Variants in WDFY4 observed in about 807,000 individuals in gnomAD.
WDFY4 encodes WDFY family member 4.
WDFY4 carries 169 observed loss-of-function variants against 351.9 expected under a neutral mutation model. That is an observed-to-expected ratio of 0.48 (90% CI 0.42 to 0.55). The LOEUF (loss-of-function observed/expected upper bound fraction) is 0.55, where lower values mean the gene tolerates loss of function less well. Ranked by LOEUF, WDFY4 falls within the 20% of genes least tolerant of loss-of-function variation. The probability of loss-of-function intolerance (pLI) is 0.00; values close to 1 mark genes in which losing one functional copy is unlikely to be tolerated. For synonymous variants in WDFY4, 1,622 were observed against 1,574.6 expected, an observed-to-expected ratio of 1.03 and a Z score of -0.71; for missense variants, 3,803 against 3,935.6, an observed-to-expected ratio of 0.97 and a Z score of 0.90.
intron 30 of WDFY4, among the ~76,000 whole-genome samples, chr10:48,813,172 T>C (rs2067516086): frequency 6.6e-6 from 1 of 152,216 alleles, no homozygotes. Context: ...CGAGTTGAGT[T>C]AAACCTAACT....
intron 48 of WDFY4, 36 bp from the exon 49 acceptor site, chr10:48,943,294 G>T: frequency 1.3e-6 from 2 of 1,549,378 alleles, no homozygotes; most frequent in African/African-American, 1.4e-5. Context: ...AGCATCAAAC[G>T]TATTTGGTTT....
chr10:48,929,490 G>A (rs1180944755), intron 47 of WDFY4, among the ~76,000 whole-genome samples: 1 of 152,166 alleles, frequency 6.6e-6, no homozygotes, highest in African/African-American at 2.4e-5. Context: ...TGGGTTAGAG[G>A]CTGCCTCTGC....
rs1162235709 is a variant in WDFY4 at position 48,820,531 on chromosome 10, C to A, written c.5709+94C>A. ...AGGATGCACCCAGGGAGACAGAGGG[C>A]CTGGGGGCCACAGCGAGTGAAGGGG... On this transcript the variant is annotated intron_variant, in intron 33 of 61. Transcript: ENST00000325239. 3.0e-6 allele frequency: 4 copies of A among 1,346,212 alleles called. No individual in the cohort carries two copies. The African/African-American group carries it at 4.4e-5, about 15-fold the overall frequency. The allele number at this position is 1,346,212 out of a possible 1,614,324, so 83.4% of individuals were successfully genotyped here.
At chr10:48,862,873 A>G (rs2069392943) in intron 39 of WDFY4, among the ~76,000 whole-genome samples, 1 of 152,338 alleles carries the variant, frequency 6.6e-6, no homozygotes, top group South Asian at 2.1e-4. Context: ...TCACTCTTCT[A>G]TCCCCCATCC....
chr10:48,774,626 A>G lies in WDFY4; in HGVS notation c.2722A>G (p.Ile908Val), dbSNP rs781016079. ...CCCCCTCCACTCACGCCTCATCAGG[A>G]TCTTTGAGAAGCTCGCTTCCCAGGC... ...GSPLHSRLIR[I>V]FEKLASQAIE... The change falls in exon 14 of 62, where the codon ATC (isoleucine) becomes GTC (valine). Residue 908 changes from isoleucine (I) to valine (V), a missense_variant. Coordinates refer to ENST00000325239, the MANE Select transcript of WDFY4 (RefSeq NM_001394531.1). 3.4e-5 allele frequency: 53 copies of G among 1,551,620 alleles called. No individual in the cohort carries two copies. The South Asian group carries it at 5.9e-4, about 17-fold the overall frequency.
chr10:48,703,040 A>G (rs1004773725), intron 1 of WDFY4, among the ~76,000 whole-genome samples: 1 of 152,224 alleles, frequency 6.6e-6, no homozygotes, highest in African/African-American at 2.4e-5. Context: ...TTCATAGTAC[A>G]TCACCTCTGT....
Position 48,969,101 on chromosome 10 carries a change from A to C in WDFY4, c.8622A>C (p.Lys2874Asn), listed in dbSNP as rs1842220791. The C allele has an allele frequency of 6.4e-7, 1 of 1,551,652 alleles. No individual in the cohort carries two copies. The highest frequency in any genetic ancestry group is 8.7e-7 in the Non-Finnish European group (1 of 1,146,972). ...YLFSLGSESP[K>N]GAIGHIVSTE... The stretch of plus-strand genomic sequence containing the variant: ...TTTCTCTAGGCTCAGAGTCCCCCAA[A>C]GGGGCCATTGGCCACATTGTCTCTA... The change falls in exon 56 of 62, where the codon AAA (lysine) becomes AAC (asparagine). Residue 2874 changes from lysine (K) to asparagine (N), a missense_variant. Around this residue, in one of 3 missense-constraint regions of WDFY4, gnomAD observed 3,054 missense variants for 3,148.6 expected, o/e 0.97. Coordinates refer to ENST00000325239, the MANE Select transcript of WDFY4 (RefSeq NM_001394531.1).
At chr10:48,723,746 C>A (rs2064169884) in intron 5 of WDFY4, among the ~76,000 whole-genome samples, 179 bp downstream of exon 5, 1 of 152,134 alleles carries the variant, frequency 6.6e-6, no homozygotes, top group Non-Finnish European at 1.5e-5. Context: ...GCCCCACTAG[C>A]AAAATAGTAG....
rs531652783 is a variant in WDFY4, at chr10:48,860,343, A to C, written c.6664-6922A>C. Among the ~76,000 whole-genome samples the C allele has an allele frequency of 3.9e-5, 6 of 152,332 alleles. No individual in the cohort carries two copies. The East Asian group carries it at 5.8e-4, about 15-fold the overall frequency. ...GCTGGCTTATTTCTGACAGTTCTAC[A>C]GGCTGGGAAGTCCGAGAGCTAGGTG... is the stretch of plus-strand genomic sequence containing the variant. On this transcript the variant is annotated intron_variant, in intron 39 of 61. Transcript: ENST00000325239.
At chr10:48,793,696 T>C (rs2066757875) in intron 23 of WDFY4, among the ~76,000 whole-genome samples, 1 of 152,222 alleles carries the variant, frequency 6.6e-6, no homozygotes, top group Non-Finnish European at 1.5e-5. Context: ...TGTTTATTGC[T>C]GTACCCTAAG....
intron 31 of WDFY4, among the ~76,000 whole-genome samples, chr10:48,815,200 T>A (rs184311727): frequency 5.3e-5 from 8 of 152,356 alleles, no homozygotes; most frequent in Admixed American, 5.2e-4. Flanking sequence ...ACTCCTTATC[T>A]TGTTCAGAAG....
chr10:48,758,357 G>A (rs2065397306), intron 12 of WDFY4, among the ~76,000 whole-genome samples: 1 of 152,050 alleles, frequency 6.6e-6, no homozygotes, highest in Non-Finnish European at 1.5e-5. Flanking sequence ...ATTTTCTTTA[G>A]TGTTCAGCAG....
At chr10:48,687,836 C>CG (rs1432735044) in intron 1 of WDFY4, among the ~76,000 whole-genome samples, 2 of 148,818 alleles carry the variant, frequency 1.3e-5, no homozygotes, top group East Asian at 3.9e-4. Context: ...GGCTGGAGTG[C>CG]GGTGGTGCGA....
chr10:48,709,919 A>G lies in WDFY4; in HGVS notation c.187A>G (p.Ile63Val), dbSNP rs754069077. ...CCAGCAGTTGACTCACAAGAGCCCC[A>G]TTGAGCGTCAGAAGAGCCTGTTGAG... ...EYQQLTHKSP[I>V]ERQKSLLSLL... Residue 63 changes from isoleucine (I) to valine (V), a missense_variant, in exon 2 of 62, where the codon ATT becomes GTT. Ile to Val is a conservative substitution (Grantham distance 29). Transcript: ENST00000325239. 6.4e-7 allele frequency: 1 copy of G among 1,552,196 alleles called. No homozygotes were observed. The highest frequency in any genetic ancestry group is 8.7e-7 in the Non-Finnish European group (1 of 1,147,094).
At chr10:48,854,417 T>C (rs2069065685) in intron 39 of WDFY4, among the ~76,000 whole-genome samples, 1 of 151,936 alleles carries the variant, frequency 6.6e-6, no homozygotes, top group African/African-American at 2.4e-5. Context: ...CCCTAAGTCT[T>C]TTTTTTTCAA....
chr10:48,957,637 G>A (rs763557411), intron 52 of WDFY4, among the ~76,000 whole-genome samples: 12 of 152,192 alleles, frequency 7.9e-5, no homozygotes, highest in South Asian at 2.1e-4. Flanking sequence ...TCCTGGCCCC[G>A]ACCAGTCCCA....
At chr10:48,770,903 G>T (rs956184898) in intron 13 of WDFY4, among the ~76,000 whole-genome samples, 3 of 152,220 alleles carry the variant, frequency 2.0e-5, no homozygotes, top group African/African-American at 7.2e-5. Flanking sequence ...AAACAGCAAT[G>T]CTGGCAAATG....
Position 48,720,209 on chromosome 10 carries a change from T to C in WDFY4, c.349+84T>C, listed in dbSNP as rs2132269549. 6 of 1,348,554 alleles carry C rather than the reference T, an allele frequency of 4.4e-6. No homozygotes were observed. The South Asian group carries it at 7.9e-5, about 18-fold the overall frequency. 83.5% of individuals were successfully genotyped at this position (1,348,554 alleles called of 1,614,324 possible). ...CTCCCAGGCCTCTCAGGCCCCCCTC[T>C]GCTTTCGCGTGGAGCTACAGTGTTG... On this transcript the variant is annotated intron_variant, in intron 3 of 61. Coordinates refer to ENST00000325239, the MANE Select transcript of WDFY4 (RefSeq NM_001394531.1).
chr10:48,736,651 A>G (rs1436741671), intron 11 of WDFY4, among the ~76,000 whole-genome samples: 3 of 152,216 alleles, frequency 2.0e-5, no homozygotes, highest in Admixed American at 6.5e-5. Flanking sequence ...GTCAATTGTG[A>G]TACAACCCTT....
Sources: allele counts gnomAD v4.1 joint callset (sites outside exome capture counted in the v4.1 genomes callset), GRCh38; gene constraint gnomAD v4.1.1; regional missense constraint gnomAD v4.1.1; transcripts MANE v1.5; gene names NCBI Gene and HGNC (gene_info 2026-07-23, HGNC 2026-07-21).